CLINT1: variants seen among roughly 807,000 people sequenced by gnomAD.
CLINT1 encodes the protein clathrin interactor 1, also known as clathrin interacting protein localized in the trans-Golgi region.
Under a neutral mutation model 70.4 loss-of-function variants are expected in CLINT1, and 15 were observed. The ratio of observed to expected loss-of-function variants is 0.21; its 90% CI spans 0.14 to 0.33. CLINT1 has a LOEUF of 0.33. CLINT1 is among the 10% of genes least tolerant of loss of function. CLINT1 has a pLI of 1.00. For synonymous variants in CLINT1, 227 were observed against 254.7 expected, an observed-to-expected ratio of 0.89 and a Z score of 1.04; for missense variants, 615 against 778.1, an observed-to-expected ratio of 0.79 and a Z score of 2.49.
At chr5:157,809,888 T>TC (rs1461873988) in intron 5 of CLINT1, 83 bp from the exon 6 acceptor site, 19 of 1,317,264 alleles carry the variant, frequency 1.4e-5, no homozygotes, top group Non-Finnish European at 1.9e-5. Context: ...CTCAGGCTTT[T>TC]CCTCATAATA....
chr5:157,807,445 C>T (rs1762422215), intron 6 of CLINT1, among the ~76,000 whole-genome samples: 3 of 152,010 alleles, frequency 2.0e-5, no homozygotes, highest in Admixed American at 6.5e-5. Context: ...GACTAGCACA[C>T]GATGAAATGG....
In CLINT1 at chr5:157,814,252, C is replaced by G; in HGVS notation, c.285G>C (p.Glu95Asp). The change falls in exon 4 of 12, where the codon GAG (glutamate) becomes GAC (aspartate). Residue 95 changes from glutamate (E) to aspartate (D), a missense_variant. Physicochemically the swap from Glu to Asp is conservative, Grantham distance 45 (BLOSUM62 2). This residue lies in a region of CLINT1 where 241 missense variants were observed against 368.6 expected (regional missense o/e 0.65). Transcript: ENST00000411809. ...GTTCTCTGGCACTTGTAACAACACG[C>G]TCTGATCCATTCCTTATGAGGTAAG... The part of the protein sequence containing the change: ...LLAYLIRNGS[E>D]RVVTSAREHI... 6.2e-7 allele frequency: 1 copy of G among 1,611,042 alleles called. No homozygotes were observed. The highest frequency in any genetic ancestry group is 8.5e-7 in the Non-Finnish European group (1 of 1,178,702).
At chr5:157,825,275 C>A (rs1763000937) in intron 1 of CLINT1, among the ~76,000 whole-genome samples, 1 of 152,072 alleles carries the variant, frequency 6.6e-6, no homozygotes, top group Admixed American at 6.6e-5. Context: ...CTGGATTATG[C>A]ATCTTCTGTT....
chr5:157,829,400 G>C (rs1763147078), intron 1 of CLINT1, among the ~76,000 whole-genome samples: 1 of 152,156 alleles, frequency 6.6e-6, no homozygotes, highest in Non-Finnish European at 1.5e-5. Flanking sequence ...AGATATAATA[G>C]GTGCTATGTC....
At position 157,845,553 on chromosome 5, in the gene CLINT1, A is replaced by T. The variant is rs1312978552; in HGVS notation, c.41+13377T>A. Among the ~76,000 whole-genome samples, 8 of 136,764 alleles carry T rather than the reference A, an allele frequency of 5.8e-5. No individual in the cohort carries two copies. In the East Asian group the frequency reaches 1.1e-3, roughly 18 times the overall value. The allele number at this position is 136,764 out of a possible 152,430, so 89.7% of individuals were successfully genotyped here. ...GCAACCTTGCATTAAGCATTTTAGT[A>T]TTTTTTTTTTTTTTTTGAGACGGAG... On this transcript the variant is annotated intron_variant, in intron 1 of 11. Coordinates refer to ENST00000411809, the MANE Select transcript of CLINT1 (RefSeq NM_014666.4).
At chr5:157,832,085 T>C (rs1763264607) in intron 1 of CLINT1, among the ~76,000 whole-genome samples, 1 of 150,812 alleles carries the variant, frequency 6.6e-6, no homozygotes, top group Non-Finnish European at 1.5e-5. Context: ...CCTCCCAAAT[T>C]CAAGCGACTC....
chr5:157,838,127 T>TG (rs1479905949), intron 1 of CLINT1, among the ~76,000 whole-genome samples: 2 of 150,446 alleles, frequency 1.3e-5, no homozygotes, highest in Non-Finnish European at 3.0e-5. Flanking sequence ...TTTTTGTTTT[T>TG]TTTTTTTTTT....
rs775272260 is a variant in CLINT1 at position 157,813,238 on chromosome 5, G to A, written c.353-11C>T. The stretch of plus-strand genomic sequence containing the variant: ...CCTTACCATGCTCATCTATGAGGAT[G>A]GTAAGAGATAAGCAAAACCTAAGAA... On this transcript the variant is annotated splice_polypyrimidine_tract_variant and intron_variant, in intron 4 of 11. Transcript: ENST00000411809. 1.2e-6 allele frequency: 2 copies of A among 1,604,408 alleles called. No individual in the cohort carries two copies. The highest frequency in any genetic ancestry group is 1.7e-6 in the Non-Finnish European group (2 of 1,176,268).
At chr5:157,800,934 T>C (rs1762193341) in intron 8 of CLINT1, among the ~76,000 whole-genome samples, 1 of 152,212 alleles carries the variant, frequency 6.6e-6, no homozygotes, top group Non-Finnish European at 1.5e-5. Flanking sequence ...ATTAAAACTT[T>C]TCACAGATGC....
chr5:157,795,238 A>G (rs11134959), intron 8 of CLINT1: 43,865 of 384,288 alleles, frequency 0.11, 3,338 homozygotes, highest in African/African-American at 0.25. Flanking sequence ...AATATTTCAC[A>G]AGCATAATGT....
intron 1 of CLINT1, among the ~76,000 whole-genome samples, chr5:157,818,013 A>T (rs2113220490): frequency 6.6e-6 from 1 of 152,328 alleles, no homozygotes; most frequent in Admixed American, 6.5e-5. Flanking sequence ...AAAAGAATAA[A>T]TCAAAGATAT....
At chr5:157,818,640 C>A (rs1187355882) in intron 1 of CLINT1, among the ~76,000 whole-genome samples, 1 of 151,944 alleles carries the variant, frequency 6.6e-6, no homozygotes, top group Non-Finnish European at 1.5e-5. Context: ...TACAGCAAGA[C>A]CCTGTCTCCA....
At chr5:157,842,904 C>A (rs907785203) in intron 1 of CLINT1, among the ~76,000 whole-genome samples, 2 of 152,244 alleles carry the variant, frequency 1.3e-5, no homozygotes, top group Admixed American at 6.5e-5. Context: ...TGCTTAAGGC[C>A]ACTTGCACAG....
intron 1 of CLINT1, among the ~76,000 whole-genome samples, chr5:157,819,221 T>A (rs1409702286): frequency 6.6e-6 from 1 of 152,188 alleles, no homozygotes; most frequent in Non-Finnish European, 1.5e-5. Context: ...TAAGTGTGAC[T>A]TGCCAAAAAA....
At chr5:157,854,496 T>C (rs955251758) in intron 1 of CLINT1, among the ~76,000 whole-genome samples, 7 of 152,232 alleles carry the variant, frequency 4.6e-5, no homozygotes, top group African/African-American at 1.4e-4. Context: ...TTTGCATCAC[T>C]GTGCTCCAGC....
intron 10 of CLINT1, chr5:157,789,822 T>C (rs1761847875): frequency 6.6e-6 from 3 of 457,940 alleles, no homozygotes; most frequent in Non-Finnish European, 1.2e-5. Flanking sequence ...GAAGCCACCA[T>C]CCCTGGCAAA....
Position 157,787,933 on chromosome 5 carries a change from G to A in CLINT1, c.1591C>T (p.Pro531Ser). 1 of 1,612,930 alleles carries A rather than the reference G, an allele frequency of 6.2e-7. No homozygotes were observed. Among genetic ancestry groups the A allele is most frequent in the Non-Finnish European group, 8.5e-7 (1 of 1,179,408 alleles). ...QSFGAVNLSS[P>S]SNMLPVRPQT... ...GGCCGGACAGGAAGCATGTTCGATG[G>A]AGAACTGAGGTTCACAGCTCCAAAA... The change falls in exon 12 of 12, where the codon CCA (proline) becomes TCA (serine). Residue 531 changes from proline (P) to serine (S), a missense_variant. Pro to Ser is a moderately conservative substitution (Grantham distance 74). Around this residue, in one of 2 missense-constraint regions of CLINT1, gnomAD observed 374 missense variants for 409.6 expected, o/e 0.91. Transcript: ENST00000411809.
At chr5:157,815,153 A>G (rs901371931) in intron 3 of CLINT1, among the ~76,000 whole-genome samples, 2 of 151,592 alleles carry the variant, frequency 1.3e-5, no homozygotes, top group African/African-American at 4.9e-5. Flanking sequence ...ACACACAAAT[A>G]GCTGGGTATT....
chr5:157,809,745 C>A lies in CLINT1; in HGVS notation c.578G>T (p.Ser193Ile). 2 of 1,613,456 alleles carry A rather than the reference C, an allele frequency of 1.2e-6. No individual in the cohort carries two copies. Among genetic ancestry groups the A allele is most frequent in the Non-Finnish European group, 1.7e-6 (2 of 1,179,624 alleles). The change falls in exon 6 of 12, where the codon AGT becomes ATT. Residue 193 changes from serine (S) to isoleucine (I), a missense_variant. Physicochemically the swap from Ser to Ile is moderately radical, Grantham distance 142 (BLOSUM62 -2). Coordinates refer to ENST00000411809, the MANE Select transcript of CLINT1 (RefSeq NM_014666.4). ...KWDEEWDKNK[S>I]AFPFSDKLGE... is the part of the protein sequence containing the mutation. ...TAATTTATCACTGAATGGAAAAGCA[C>A]TCTTGTTTTTATCCCACTCCTCATC...
Sources: gnomAD v4.1 joint callset for allele counts (sites outside exome capture counted in the v4.1 genomes callset) on GRCh38, gnomAD v4.1.1 for gene constraint, gnomAD v4.1.1 regional missense constraint, MANE v1.5 for transcripts, NCBI Gene and HGNC (gene_info 2026-07-23, HGNC 2026-07-21) for gene names.